ARHGAP15: variants seen among roughly 807,000 people sequenced by gnomAD.
ARHGAP15 encodes the protein rho GTPase-activating protein 15.
In ARHGAP15, 51 loss-of-function variants were observed where a neutral mutation model predicts 63.7. That is an observed-to-expected ratio of 0.80 (90% CI 0.64 to 1.01). The LOEUF (loss-of-function observed/expected upper bound fraction) is 1.01, where lower values mean the gene tolerates loss of function less well. ARHGAP15 is among the 50% of genes least tolerant of loss of function. ARHGAP15 has a pLI of 0.00. For missense variants in ARHGAP15, 560 were observed against 564.6 expected (o/e 0.99, Z 0.08); for synonymous variants, 191 against 193.8 (o/e 0.99, Z 0.12).
chr2:143,461,978 C>T (rs1376663132), intron 8 of ARHGAP15, among the ~76,000 whole-genome samples: 3 of 151,966 alleles, frequency 2.0e-5, no homozygotes, highest in Non-Finnish European at 4.4e-5. Flanking sequence ...CATGGCAAAA[C>T]CCCATCTCTA....
intron 12 of ARHGAP15, among the ~76,000 whole-genome samples, chr2:143,642,858 T>A (rs182735215): frequency 5.1e-4 from 78 of 152,252 alleles, no homozygotes; most frequent in African/African-American, 1.8e-3. Flanking sequence ...GCTGCTGTTT[T>A]GTGGAAAGTG....
chr2:143,523,120 A>G (rs1694124347), intron 10 of ARHGAP15, among the ~76,000 whole-genome samples: 2 of 152,164 alleles, frequency 1.3e-5, no homozygotes, highest in East Asian at 3.9e-4. Context: ...TAAGTACTCA[A>G]TAAATATTGG....
intron 6 of ARHGAP15, among the ~76,000 whole-genome samples, chr2:143,406,404 G>T (rs1305667430): frequency 6.6e-6 from 1 of 151,886 alleles, no homozygotes; most frequent in Non-Finnish European, 1.5e-5. Flanking sequence ...GTTAAGAGGT[G>T]TGGCTTTGGT....
intron 1 of ARHGAP15, among the ~76,000 whole-genome samples, chr2:143,137,733 G>C (rs1689204484): frequency 6.6e-6 from 1 of 151,998 alleles, no homozygotes; most frequent in South Asian, 2.1e-4. Context: ...AGTCAAAACA[G>C]AACATCTCTT....
At chr2:143,485,167 T>C (rs1226136957) in intron 8 of ARHGAP15, among the ~76,000 whole-genome samples, 1 of 152,214 alleles carries the variant, frequency 6.6e-6, no homozygotes, top group Non-Finnish European at 1.5e-5. Flanking sequence ...GGTGGTTTGC[T>C]GCAACTATCA....
In ARHGAP15 at chr2:143,412,053, T is replaced by C. The variant is rs1422676134; in HGVS notation, c.475-23548T>C. 3.3e-5 allele frequency among the ~76,000 whole-genome samples: 5 copies of C among 152,298 alleles called. No individual in the cohort carries two copies. The East Asian group carries it at 9.7e-4, about 29-fold the overall frequency. On this transcript the variant is annotated intron_variant, in intron 6 of 13. Transcript: ENST00000295095. ...GGTCAGGTCACATAAACCTGTAAAC[T>C]GTGATCGAGTGTTTCAATTTGAACC...
In ARHGAP15 at chr2:143,521,581, C is replaced by CAT. The variant is rs1271812597; in HGVS notation, c.925+2220_925+2221dup. ...GTCTCTCAGCATGGCTGGGACTCAG[C>CAT]ATATCTGGATCCCTCCTTCTAATGG... is the stretch of plus-strand genomic sequence containing the variant. On this transcript the variant is annotated intron_variant, in intron 10 of 13. Transcript: ENST00000295095. 1.3e-5 allele frequency among the ~76,000 whole-genome samples: 2 copies of CAT among 152,194 alleles called. 1 individual carries two copies. Among genetic ancestry groups the CAT allele is most frequent in the East Asian group, 3.9e-4 (2 of 5,172 alleles).
At chr2:143,261,856 T>C (rs1680739645) in intron 6 of ARHGAP15, among the ~76,000 whole-genome samples, 2 of 152,168 alleles carry the variant, frequency 1.3e-5, no homozygotes, top group African/African-American at 2.4e-5. Flanking sequence ...GAACCCATTA[T>C]TGAGTTGGTC....
At chr2:143,256,886 A>T (rs1376508021) in intron 6 of ARHGAP15, among the ~76,000 whole-genome samples, 1 of 152,108 alleles carries the variant, frequency 6.6e-6, no homozygotes, top group Non-Finnish European at 1.5e-5. Context: ...TCAAGAGAGC[A>T]TGTTAGCTTT....
chr2:143,762,026 A>G (rs1479895556), intron 13 of ARHGAP15, among the ~76,000 whole-genome samples: 2 of 152,178 alleles, frequency 1.3e-5, no homozygotes, highest in Non-Finnish European at 2.9e-5. Flanking sequence ...TATTTTTGTC[A>G]GGCTATTTAA....
chr2:143,574,481 A>C (rs537575952), intron 11 of ARHGAP15, among the ~76,000 whole-genome samples: 1 of 152,026 alleles, frequency 6.6e-6, no homozygotes, highest in Admixed American at 6.5e-5. Flanking sequence ...TTAAAGTATA[A>C]TAATAATAAA....
rs189485805 is a variant in ARHGAP15, at chr2:143,381,231, A to C, written c.475-54370A>C. On this transcript the variant is annotated intron_variant, in intron 6 of 13. Coordinates refer to ENST00000295095, the MANE Select transcript of ARHGAP15 (RefSeq NM_018460.4). ...AGTTGTTTGGCTTTGCTGTGATTTT[A>C]AGGTGCACTTCAGATTTATATTCTC... Among the ~76,000 whole-genome samples the C allele has an allele frequency of 3.0e-4, 46 of 152,214 alleles. No homozygotes were observed. In the East Asian group the frequency reaches 8.3e-3, roughly 28 times the overall value.
chr2:143,171,947 C>T (rs1690797761), intron 2 of ARHGAP15: 1 of 152,182 alleles, frequency 6.6e-6, no homozygotes, highest in Admixed American at 6.6e-5. Flanking sequence ...TCATTTTTCT[C>T]CACTCACCAT....
chr2:143,490,682 A>G (rs934404869), intron 9 of ARHGAP15, among the ~76,000 whole-genome samples: 3 of 152,036 alleles, frequency 2.0e-5, no homozygotes, highest in Non-Finnish European at 2.9e-5. Context: ...GTGCAGTGGC[A>G]TGATCTTAGC....
chr2:143,508,243 C>A (rs567109924), intron 9 of ARHGAP15, among the ~76,000 whole-genome samples: 1 of 152,326 alleles, frequency 6.6e-6, no homozygotes, highest in South Asian at 2.1e-4. Flanking sequence ...ACACCAGCAG[C>A]TTTATACACT....
chr2:143,276,659 G>A (rs1409999015), intron 6 of ARHGAP15, among the ~76,000 whole-genome samples: 2 of 152,148 alleles, frequency 1.3e-5, no homozygotes, highest in Non-Finnish European at 2.9e-5. Context: ...CTGGCCAGGT[G>A]TGGCAGCTCA....
chr2:143,440,319 T>C (rs4395207), intron 8 of ARHGAP15, among the ~76,000 whole-genome samples: 135,685 of 152,198 alleles, frequency 0.89, 60,813 homozygotes, highest in Middle Eastern at 0.97. Context: ...AAACTTAGGT[T>C]TCTTAAAACT....
intron 6 of ARHGAP15, among the ~76,000 whole-genome samples, chr2:143,420,853 C>T (rs759561973): frequency 2.8e-4 from 42 of 152,134 alleles, no homozygotes; most frequent in Non-Finnish European, 3.1e-4. Context: ...GCTATATTTG[C>T]ATTAATGGGA....
intron 8 of ARHGAP15, among the ~76,000 whole-genome samples, chr2:143,481,464 T>C (rs1285604032): frequency 6.6e-6 from 1 of 151,992 alleles, no homozygotes; most frequent in Non-Finnish European, 1.5e-5. Context: ...AGAACAGCAG[T>C]TTGGCAGGAA....
Sources: allele counts gnomAD v4.1 joint callset (sites outside exome capture counted in the v4.1 genomes callset), GRCh38; gene constraint gnomAD v4.1.1; transcripts MANE v1.5; gene names NCBI Gene and HGNC (gene_info 2026-07-23, HGNC 2026-07-21).